The following MMP16 variants were observed in gnomAD, a reference collection of about 807,000 sequenced individuals.
The protein encoded by MMP16 is matrix metallopeptidase 16, also known as matrix metalloproteinase-16.
A neutral mutation model predicts 67.8 loss-of-function variants in MMP16; 12 were observed. The ratio of observed to expected loss-of-function variants is 0.18; its 90% confidence interval spans 0.11 to 0.29. MMP16 has a LOEUF of 0.29. MMP16 is among the 10% of genes least tolerant of loss of function. The probability of loss-of-function intolerance (pLI) is 1.00; values close to 1 mark genes in which losing one functional copy is unlikely to be tolerated. For synonymous variants in MMP16, 249 were observed against 255.9 expected (o/e 0.97, Z 0.26); for missense variants, 475 against 765.7 (o/e 0.62, Z 4.48).
rs935438957 is a variant in MMP16 at position 88,036,277 on chromosome 8, C to T, written c.*5184G>A. The stretch of plus-strand genomic sequence containing the variant: ...ACATAATCATCACTAGTGCAAAGAG[C>T]TTGAAGTTGGATTTTTTTCCTCCAC... On this transcript the variant is annotated 3_prime_UTR_variant, in exon 10 of 10. Transcript: ENST00000286614. 3.3e-5 allele frequency: 5 copies of T among 151,784 alleles called. No individual in the cohort carries two copies. Among genetic ancestry groups the T allele is most frequent in the African/African-American group, 4.8e-5 (2 of 41,370 alleles). 9.4% of individuals were successfully genotyped at this position (151,784 alleles called of 1,614,324 possible).
intron 1 of MMP16, among the ~76,000 whole-genome samples, chr8:88,254,078 A>G (rs1327054599): frequency 6.6e-6 from 1 of 152,174 alleles, no homozygotes; most frequent in African/African-American, 2.4e-5. Context: ...CAACAATGAT[A>G]GACTGGATAA....
intron 2 of MMP16, among the ~76,000 whole-genome samples, chr8:88,194,258 T>A (rs1809215870): frequency 6.6e-6 from 1 of 152,114 alleles, no homozygotes; most frequent in African/African-American, 2.4e-5. Context: ...TAAAAACAAT[T>A]GATCTTGACA....
rs1355267319 is a variant in MMP16, at chr8:88,037,127, A to G, written c.*4334T>C. The G allele has an allele frequency of 6.7e-6, 1 of 150,354 alleles. No individual in the cohort carries two copies. Among genetic ancestry groups the G allele is most frequent in the Admixed American group, 6.7e-5 (1 of 14,872 alleles). The allele number at this position is 150,354 out of a possible 1,614,324, so 9.3% of individuals were successfully genotyped here. ...GGCGTGTATGTGTACCATACTAGAT[A>G]TATTAGCATAACATGTAGAACTTGC... On this transcript the variant is annotated 3_prime_UTR_variant, in exon 10 of 10. Transcript: ENST00000286614.
intron 6 of MMP16, among the ~76,000 whole-genome samples, chr8:88,084,792 C>T (rs1808807035): frequency 6.6e-6 from 1 of 151,810 alleles, no homozygotes; most frequent in Admixed American, 6.6e-5. Context: ...CTGGAAAATA[C>T]ATAGGTAACT....
rs1808003525 is a variant in MMP16, at chr8:88,032,846, C to T, written c.*8615G>A. 1.3e-5 allele frequency: 2 copies of T among 152,056 alleles called. No homozygotes were observed. Among genetic ancestry groups the T allele is most frequent in the Admixed American group, 1.3e-4 (2 of 15,236 alleles). The allele number at this position is 152,056 out of a possible 1,614,324, so 9.4% of individuals were successfully genotyped here. A position where few individuals can be genotyped will look rare whatever the true frequency, so the allele number is the denominator to read the frequency against. On this transcript the variant is annotated 3_prime_UTR_variant, in exon 10 of 10. Coordinates refer to ENST00000286614, the MANE Select transcript of MMP16 (RefSeq NM_005941.5). ...TTCTTTCCTTGCACACAGAAGACTA[C>T]ATATTATCAAGAACTTAATGAAATA...
In MMP16 at chr8:88,068,596, G is replaced by GT. The variant is rs1261283912; in HGVS notation, c.1222+6008dup. On this transcript the variant is annotated intron_variant, in intron 7 of 9. Coordinates refer to ENST00000286614, the MANE Select transcript of MMP16 (RefSeq NM_005941.5). The stretch of plus-strand genomic sequence containing the variant: ...GTGAATTGGAGGTTTGTTTTGTTTT[G>GT]TTTTTTTACATGTATCTTTGTCAAA... Among the ~76,000 whole-genome samples, 7 of 151,654 alleles carry GT rather than the reference G, an allele frequency of 4.6e-5. No individual in the cohort carries two copies. In the East Asian group the frequency reaches 9.7e-4, roughly 21 times the overall value.
At chr8:88,147,779 G>T (rs1329074098) in intron 4 of MMP16, among the ~76,000 whole-genome samples, 1 of 148,156 alleles carries the variant, frequency 6.7e-6, no homozygotes, top group Non-Finnish European at 1.5e-5. Context: ...ATATGTGTTT[G>T]TGTGTGTGTG....
intron 8 of MMP16, among the ~76,000 whole-genome samples, chr8:88,050,994 C>G (rs965732148): frequency 2.0e-5 from 3 of 152,132 alleles, no homozygotes; most frequent in Non-Finnish European, 4.4e-5. Context: ...GCATTTTTCC[C>G]TCTCCTAGCA....
At chr8:88,136,187 A>G (rs1361054513) in intron 4 of MMP16, among the ~76,000 whole-genome samples, 1 of 151,762 alleles carries the variant, frequency 6.6e-6, no homozygotes, top group Admixed American at 6.6e-5. Flanking sequence ...GAGATGACTA[A>G]AAAAGGTTCA....
chr8:88,148,980 G>C (rs530017739), intron 4 of MMP16, among the ~76,000 whole-genome samples: 74 of 152,332 alleles, frequency 4.9e-4, no homozygotes, highest in South Asian at 2.7e-3. Context: ...GTGCCAGACA[G>C]TGGGCGCAGG....
intron 1 of MMP16, among the ~76,000 whole-genome samples, chr8:88,260,941 A>G (rs1410930630): frequency 6.6e-6 from 1 of 152,130 alleles, no homozygotes; most frequent in Non-Finnish European, 1.5e-5. Context: ...CTAATATATT[A>G]ATTTGCAAAT....
chr8:88,093,640 A>G (rs912967380), intron 6 of MMP16, among the ~76,000 whole-genome samples: 44 of 152,030 alleles, frequency 2.9e-4, no homozygotes, highest in African/African-American at 1.0e-3. Flanking sequence ...CTTTATAAAT[A>G]AAATTTTAAA....
At chr8:88,205,064 A>G (rs1277105442) in intron 1 of MMP16, among the ~76,000 whole-genome samples, 1 of 152,358 alleles carries the variant, frequency 6.6e-6, no homozygotes, top group African/African-American at 2.4e-5. Context: ...AACAACTGCT[A>G]GCATGCCTTT....
intron 1 of MMP16, among the ~76,000 whole-genome samples, chr8:88,282,089 G>GA (rs1554591333): frequency 2.0e-5 from 3 of 148,424 alleles, no homozygotes; most frequent in Admixed American, 6.7e-5. Flanking sequence ...TTTTGGGGGG[G>GA]GGGGGGCGAC....
intron 4 of MMP16, among the ~76,000 whole-genome samples, chr8:88,148,374 G>A (rs1808330320): frequency 6.6e-6 from 1 of 152,166 alleles, no homozygotes; most frequent in Non-Finnish European, 1.5e-5. Context: ...GTTTCCTTCA[G>A]TGTTAGTGAT....
intron 1 of MMP16, among the ~76,000 whole-genome samples, chr8:88,289,689 A>AACACACACACACAC (rs4043664): frequency 6.9e-6 from 1 of 144,162 alleles, no homozygotes; most frequent in African/African-American, 2.6e-5. Context: ...TCCTAGAGGA[A>AACACACACACACAC]ACACACACAC....
At chr8:88,188,080 C>T in intron 2 of MMP16, among the ~76,000 whole-genome samples, 1 of 152,200 alleles carries the variant, frequency 6.6e-6, no homozygotes, top group African/African-American at 2.4e-5. Flanking sequence ...CTGTAAAACA[C>T]TCAAGAGAAG....
chr8:88,073,005 C>T (rs749430362), intron 7 of MMP16, among the ~76,000 whole-genome samples: 5 of 152,106 alleles, frequency 3.3e-5, no homozygotes, highest in South Asian at 2.1e-4. Context: ...TGTCAGAACA[C>T]GAATTTATGA....
At chr8:88,109,960 C>A in intron 6 of MMP16, among the ~76,000 whole-genome samples, 1 of 150,434 alleles carries the variant, frequency 6.6e-6, no homozygotes, top group Non-Finnish European at 1.5e-5. Flanking sequence ...AAATTTATAC[C>A]AAAATAAAAT....
Sources: gnomAD v4.1 joint callset for allele counts (sites outside exome capture counted in the v4.1 genomes callset) on GRCh38, gnomAD v4.1.1 for gene constraint, MANE v1.5 for transcripts, NCBI Gene and HGNC (gene_info 2026-07-23, HGNC 2026-07-21) for gene names.